AGBL1: variants seen among roughly 807,000 people sequenced by gnomAD.
AGBL1 encodes the protein AGBL carboxypeptidase 1.
AGBL1 carries 130 observed loss-of-function variants against 118.9 expected under a neutral mutation model. The observed-to-expected ratio is 1.09, with a 90% CI of 0.95 to 1.26. AGBL1 has a LOEUF of 1.26. Ranked by LOEUF, AGBL1 falls within the 50% of genes most tolerant of loss-of-function variation. The pLI, the probability that AGBL1 is intolerant of heterozygous loss-of-function variation, is 0.00. For synonymous variants in AGBL1, 555 were observed against 478.9 expected (o/e 1.16, Z -2.08); for missense variants, 1,584 against 1,298.1 (o/e 1.22, Z -3.38).
intron 17 of AGBL1, among the ~76,000 whole-genome samples, chr15:86,326,897 A>G (rs1159211948): frequency 6.6e-6 from 1 of 151,858 alleles, no homozygotes; most frequent in Non-Finnish European, 1.5e-5. Context: ...GAATGATGTT[A>G]TCCCCCATAT....
rs530086405 is a variant in AGBL1 at position 86,792,423 on chromosome 15, A to T, written c.3159-114664A>T. On this transcript the variant is annotated intron_variant, in intron 22 of 22. Transcript: ENST00000614907. ...TCATTCCAAATACTAGACAGCAAAG[A>T]TGTCAAGCAAGGAATGAACATGGTC... is the stretch of plus-strand genomic sequence containing the variant. 2.0e-5 allele frequency among the ~76,000 whole-genome samples: 3 copies of T among 152,330 alleles called. No individual in the cohort carries two copies. The South Asian group carries it at 6.2e-4, about 32-fold the overall frequency.
intron 18 of AGBL1, among the ~76,000 whole-genome samples, chr15:86,398,719 A>C (rs2081402679): frequency 6.6e-6 from 1 of 152,198 alleles, no homozygotes; most frequent in South Asian, 2.1e-4. Context: ...AGTGTTAAAC[A>C]GCCAAGAATA....
intron 22 of AGBL1, among the ~76,000 whole-genome samples, chr15:86,859,898 A>G (rs2079537238): frequency 6.6e-6 from 1 of 152,182 alleles, no homozygotes; most frequent in South Asian, 2.1e-4. Context: ...CAACTTAAAG[A>G]TACTGTCGAG....
chr15:86,334,152 T>C (rs2080319946), intron 17 of AGBL1, among the ~76,000 whole-genome samples: 1 of 152,096 alleles, frequency 6.6e-6, no homozygotes, highest in African/African-American at 2.4e-5. Context: ...CCACTCCTAT[T>C]CAACATACTA....
At chr15:86,704,798 T>C (rs1444178375) in intron 22 of AGBL1, among the ~76,000 whole-genome samples, 1 of 152,144 alleles carries the variant, frequency 6.6e-6, no homozygotes, top group Non-Finnish European at 1.5e-5. Flanking sequence ...ACCCAAAGGA[T>C]TATAAATCAT....
chr15:86,142,188 G>A (rs2141647442), intron 2 of AGBL1, 121 bp downstream of exon 2: 2 of 921,712 alleles, frequency 2.2e-6, no homozygotes, highest in South Asian at 3.3e-5. Flanking sequence ...GTGAGAGGCA[G>A]CATCACTAGC....
chr15:86,185,944 T>C (rs991842729), intron 5 of AGBL1, among the ~76,000 whole-genome samples: 13 of 152,206 alleles, frequency 8.5e-5, no homozygotes, highest in African/African-American at 3.1e-4. Context: ...AAGGGGATTC[T>C]AAAATAAAAA....
At chr15:86,565,544 G>A (rs910830780) in intron 21 of AGBL1, among the ~76,000 whole-genome samples, 2 of 152,128 alleles carry the variant, frequency 1.3e-5, no homozygotes, top group African/African-American at 4.8e-5. Context: ...TGCCCCTACT[G>A]GGGGGTGCCT....
chr15:86,917,618 G>C (rs2080440012), downstream of AGBL1, among the ~76,000 whole-genome samples: 1 of 152,218 alleles, frequency 6.6e-6, no homozygotes, highest in Non-Finnish European at 1.5e-5. The surrounding 1 kb of genome is among the most constrained non-coding windows in gnomAD (Gnocchi z 4.8). Flanking sequence ...TCATTGCGAA[G>C]CGTAGAGATT....
At chr15:86,348,763 G>A (rs2080578692) in intron 17 of AGBL1, among the ~76,000 whole-genome samples, 1 of 140,734 alleles carries the variant, frequency 7.1e-6, no homozygotes, top group African/African-American at 2.8e-5. Context: ...GGGTGACAGA[G>A]CGCGACTGTC....
intron 22 of AGBL1, among the ~76,000 whole-genome samples, chr15:86,763,484 A>G (rs1053075134): frequency 2.0e-5 from 3 of 151,990 alleles, no homozygotes; most frequent in African/African-American, 7.2e-5. Flanking sequence ...GATGATGGGG[A>G]GATAGATGAT....
Position 86,908,375 on chromosome 15 carries a change from G to A in AGBL1, c.*1081G>A, listed in dbSNP as rs995411081. ...TCTACAAAAATTAGCCAAGTGTGGTGGCGCACACCTGTAATCCCAGCTACT... is the reference window on the plus strand; with the variant it reads ...TCTACAAAAATTAGCCAAGTGTGGTAGCGCACACCTGTAATCCCAGCTACT... On this transcript the variant is annotated 3_prime_UTR_variant, in exon 23 of 23. Coordinates refer to ENST00000614907, the MANE Select transcript of AGBL1 (RefSeq NM_001386094.1). 1 of 152,154 alleles carries A rather than the reference G, an allele frequency of 6.6e-6. No homozygotes were observed. The highest frequency in any genetic ancestry group is 2.4e-5 in the African/African-American group (1 of 41,432). The allele number at this position is 152,154 out of a possible 1,614,324, so 9.4% of individuals were successfully genotyped here. A position where few individuals can be genotyped will look rare whatever the true frequency, so the allele number is the denominator to read the frequency against.
chr15:86,651,690 C>G (rs1323431908), intron 21 of AGBL1, among the ~76,000 whole-genome samples: 5 of 152,184 alleles, frequency 3.3e-5, no homozygotes, highest in Non-Finnish European at 7.3e-5. Flanking sequence ...CATGAAACTT[C>G]TTGACCCCTC....
At chr15:86,861,790 C>A (rs934428615) in intron 22 of AGBL1, among the ~76,000 whole-genome samples, 3 of 152,164 alleles carry the variant, frequency 2.0e-5, no homozygotes, top group Admixed American at 1.3e-4. Context: ...AAATGTCCAA[C>A]CCTAAAGTAT....
intron 21 of AGBL1, among the ~76,000 whole-genome samples, chr15:86,565,741 G>A (rs1462438834): frequency 1.3e-5 from 2 of 152,230 alleles, no homozygotes; most frequent in African/African-American, 4.8e-5. Context: ...GGAGTCTACA[G>A]AGGCAGGCAG....
At chr15:86,502,253 G>T (rs992551569) in intron 18 of AGBL1, among the ~76,000 whole-genome samples, 1 of 151,448 alleles carries the variant, frequency 6.6e-6, no homozygotes, top group South Asian at 2.1e-4. Context: ...CATTGCTGAT[G>T]TATGTAAATA....
intron 22 of AGBL1, among the ~76,000 whole-genome samples, chr15:86,857,589 G>A (rs8026630): frequency 0.13 from 19,998 of 152,170 alleles, 1,407 homozygotes; most frequent in South Asian, 0.18. Flanking sequence ...ACCTCTTTAT[G>A]GAGGCCTTCC....
At chr15:86,686,396 A>G (rs974800519) in intron 22 of AGBL1, among the ~76,000 whole-genome samples, 3 of 151,694 alleles carry the variant, frequency 2.0e-5, no homozygotes, top group African/African-American at 7.3e-5. Flanking sequence ...TAATGGCACT[A>G]CTGATAATAG....
chr15:86,090,098 A>G (rs1895922675), intron 1 of AGBL1, among the ~76,000 whole-genome samples: 1 of 152,198 alleles, frequency 6.6e-6, no homozygotes, highest in African/African-American at 2.4e-5. Context: ...CCTATGAGGA[A>G]TATATGGCTA....
Sources: allele counts gnomAD v4.1 joint callset (sites outside exome capture counted in the v4.1 genomes callset), GRCh38; gene constraint gnomAD v4.1.1; non-coding constraint Gnocchi (gnomAD v3.1); transcripts MANE v1.5; gene names NCBI Gene and HGNC (gene_info 2026-07-23, HGNC 2026-07-21).